The following C12orf56 variants were observed in gnomAD, a reference collection of about 807,000 sequenced individuals.
C12orf56 encodes the protein chromosome 12 open reading frame 56, also known as uncharacterized protein C12orf56.
C12orf56 carries 71 observed loss-of-function variants against 69.9 expected under a neutral mutation model. The observed-to-expected ratio is 1.02, with a 90% CI of 0.84 to 1.24. The LOEUF (loss-of-function observed/expected upper bound fraction) is 1.24. Ranked by LOEUF, C12orf56 falls within the 50% of genes most tolerant of loss-of-function variation. The pLI, the probability that C12orf56 is intolerant of heterozygous loss-of-function variation, is 0.00. For missense variants in C12orf56, 732 were observed against 738.5 expected, an observed-to-expected ratio of 0.99 and a Z score of 0.10; for synonymous variants, 276 against 274.1, an observed-to-expected ratio of 1.01 and a Z score of -0.07.
intron 1 of C12orf56, among the ~76,000 whole-genome samples, chr12:64,355,096 A>AT (rs2039292877): frequency 6.6e-6 from 1 of 151,218 alleles, no homozygotes; most frequent in Non-Finnish European, 1.5e-5. Flanking sequence ...AAAAAAAAAA[A>AT]AAAAAAGAGG....
chr12:64,333,691 G>A (rs1458658569), intron 2 of C12orf56, among the ~76,000 whole-genome samples: 2 of 152,002 alleles, frequency 1.3e-5, no homozygotes, highest in African/African-American at 2.4e-5. Flanking sequence ...TAGTAGAGAC[G>A]GGGTTTCACC....
chr12:64,326,203 G>A lies in C12orf56; in HGVS notation c.488+4757C>T, dbSNP rs2038836689. Among the ~76,000 whole-genome samples, 6 of 152,142 alleles carry A rather than the reference G, an allele frequency of 3.9e-5. No individual in the cohort carries two copies. In the South Asian group the frequency reaches 1.2e-3, roughly 31 times the overall value. On this transcript the variant is annotated intron_variant, in intron 3 of 12. Coordinates refer to ENST00000543942, the MANE Select transcript of C12orf56 (RefSeq NM_001170633.2). The stretch of plus-strand genomic sequence containing the variant: ...TTTACTGCCTTGAAAAAGTCTCCAG[G>A]GCACAGGGTAGAGAGGAGGGGGGTG...
In C12orf56 at chr12:64,367,634, T is replaced by C. The variant is rs566677830; in HGVS notation, c.253-14578A>G. The stretch of plus-strand genomic sequence containing the variant: ...GATTCTCCTGCCTCAGCCTCCCGAG[T>C]AGCTGAAATTACAGGCACCCACCAC... On this transcript the variant is annotated intron_variant, in intron 1 of 12. Coordinates refer to ENST00000543942, the MANE Select transcript of C12orf56 (RefSeq NM_001170633.2). Among the ~76,000 whole-genome samples the C allele has an allele frequency of 1.6e-4, 24 of 149,112 alleles. No individual in the cohort carries two copies. The East Asian group carries it at 4.1e-3, about 26-fold the overall frequency.
At chr12:64,359,935 G>A (rs1455878754) in intron 1 of C12orf56, among the ~76,000 whole-genome samples, 1 of 151,886 alleles carries the variant, frequency 6.6e-6, no homozygotes. Flanking sequence ...GGCTGGTCTT[G>A]AACTCCTGAC....
At chr12:64,336,347 A>C (rs1050039750) in intron 2 of C12orf56, among the ~76,000 whole-genome samples, 1 of 152,210 alleles carries the variant, frequency 6.6e-6, no homozygotes, top group African/African-American at 2.4e-5. Context: ...CCTGCACATC[A>C]GCACAGGACA....
chr12:64,373,260 G>T (rs923420293), intron 1 of C12orf56, among the ~76,000 whole-genome samples: 3 of 152,194 alleles, frequency 2.0e-5, no homozygotes, highest in Non-Finnish European at 4.4e-5. Flanking sequence ...TTTGAGACCA[G>T]CCTGGGCAAT....
At chr12:64,333,978 T>C (rs984840054) in intron 2 of C12orf56, among the ~76,000 whole-genome samples, 10 of 152,206 alleles carry the variant, frequency 6.6e-5, no homozygotes, top group African/African-American at 2.2e-4. Context: ...CAAAAGAGCC[T>C]GAGTGTAGTG....
Position 64,267,568 on chromosome 12 carries a change from G to T in C12orf56, c.1764-280C>A, listed in dbSNP as rs375657193. 1.3e-4 allele frequency: 49 copies of T among 373,816 alleles called. 2 individuals are homozygous for T. Among genetic ancestry groups the T allele is most frequent in the Admixed American group, 5.2e-4 (11 of 20,972 alleles). The allele number at this position is 373,816 out of a possible 1,614,324, so 23.2% of individuals were successfully genotyped here. A position where few individuals can be genotyped will look rare whatever the true frequency, so the allele number is the denominator to read the frequency against. ...GTATGAGCAGAGGCTCCTGCTTCTT[G>T]GTTTATCAGGCAATGCGCAGTGAGG... is the stretch of plus-strand genomic sequence containing the variant. On this transcript the variant is annotated intron_variant, in intron 12 of 12. Coordinates refer to ENST00000543942, the MANE Select transcript of C12orf56 (RefSeq NM_001170633.2).
intron 1 of C12orf56, among the ~76,000 whole-genome samples, chr12:64,367,848 C>T (rs1265997221): frequency 6.7e-6 from 1 of 148,464 alleles, no homozygotes; most frequent in Non-Finnish European, 1.5e-5. Context: ...TGCTCTGTCA[C>T]CCAGGCTGGA....
At chr12:64,281,386 C>CA (rs1280311768) in intron 8 of C12orf56, among the ~76,000 whole-genome samples, 2 of 152,028 alleles carry the variant, frequency 1.3e-5, no homozygotes, top group Non-Finnish European at 2.9e-5. Context: ...GTCTGGCCAA[C>CA]ATGGTGAAAC....
At chr12:64,307,826 G>T (rs1394300977) in intron 5 of C12orf56, among the ~76,000 whole-genome samples, 1 of 150,674 alleles carries the variant, frequency 6.6e-6, no homozygotes, top group Non-Finnish European at 1.5e-5. Context: ...AATATAACCA[G>T]ACCCCATCTC....
intron 7 of C12orf56, among the ~76,000 whole-genome samples, chr12:64,285,060 G>T (rs1485244008): frequency 5.3e-5 from 8 of 152,068 alleles, no homozygotes; most frequent in Non-Finnish European, 2.9e-5. Flanking sequence ...AGACCAGCCT[G>T]GGCAGCATGG....
intron 1 of C12orf56, among the ~76,000 whole-genome samples, chr12:64,360,226 A>G (rs2039381376): frequency 6.6e-6 from 1 of 151,480 alleles, no homozygotes; most frequent in African/African-American, 2.4e-5. Context: ...GGAGTTCAAG[A>G]CCAGCCTGGC....
chr12:64,385,963 A>G (rs905548770), intron 1 of C12orf56, among the ~76,000 whole-genome samples: 22 of 152,190 alleles, frequency 1.4e-4, no homozygotes, highest in African/African-American at 5.3e-4. Context: ...GGAGTTTGAG[A>G]CCAGCCTGGG....
At chr12:64,345,547 C>G (rs1255604664) in intron 2 of C12orf56, among the ~76,000 whole-genome samples, 1 of 152,158 alleles carries the variant, frequency 6.6e-6, no homozygotes, top group African/African-American at 2.4e-5. Flanking sequence ...CAGTAGACAC[C>G]TGGTGAAGCT....
chr12:64,309,093 A>C (rs1438314852), intron 5 of C12orf56, among the ~76,000 whole-genome samples: 1 of 152,192 alleles, frequency 6.6e-6, no homozygotes, highest in Non-Finnish European at 1.5e-5. Flanking sequence ...ATACACATAC[A>C]AACACACATA....
chr12:64,320,132 G>T lies in C12orf56; in HGVS notation c.489-1152C>A, dbSNP rs1898221. 3.3e-5 allele frequency among the ~76,000 whole-genome samples: 5 copies of T among 152,356 alleles called. No homozygotes were observed. In the South Asian group the frequency reaches 6.2e-4, roughly 19 times the overall value. On this transcript the variant is annotated intron_variant, in intron 3 of 12. Transcript: ENST00000543942. The stretch of plus-strand genomic sequence containing the variant: ...GCTAAGTGCCCGGGTTCGTCCTAAT[G>T]GAGCTGAACACTAGTTACTGGGTTA...
In C12orf56 at chr12:64,270,713, A is replaced by C. The variant is rs746113930; in HGVS notation, c.1586T>G (p.Ile529Ser). 6.2e-7 allele frequency: 1 copy of C among 1,601,660 alleles called. No individual in the cohort carries two copies. The highest frequency in any genetic ancestry group is 8.5e-7 in the Non-Finnish European group (1 of 1,175,822). Residue 529 changes from isoleucine to serine, a missense_variant and splice_region_variant, in exon 12 of 13, where the codon ATT becomes AGT. Transcript: ENST00000543942. Reference sequence around the variant, plus strand: ...TTTCACAATACTGGCCACAAAAGTAATCTAGACAAGGAAAATACAGTTACA... The same window carrying C: ...TTTCACAATACTGGCCACAAAAGTACTCTAGACAAGGAAAATACAGTTACA... ...MSFLQSCPPI[I>S]TFVASIVKQV... is the part of the protein sequence containing the mutation.
At chr12:64,277,438 C>T (rs2038065834) in intron 9 of C12orf56, among the ~76,000 whole-genome samples, 1 of 151,946 alleles carries the variant, frequency 6.6e-6, no homozygotes, top group African/African-American at 2.4e-5. Context: ...TACCTTAAGA[C>T]ATATAAAAGG....
Sources: gnomAD v4.1 joint callset for allele counts (sites outside exome capture counted in the v4.1 genomes callset) on GRCh38, gnomAD v4.1.1 for gene constraint, MANE v1.5 for transcripts, NCBI Gene and HGNC (gene_info 2026-07-23, HGNC 2026-07-21) for gene names.